Variants in PARP8 observed in about 807,000 individuals in gnomAD.
The protein encoded by PARP8 is protein mono-ADP-ribosyltransferase PARP8.
Under a neutral mutation model 124.1 loss-of-function variants are expected in PARP8, and 51 were observed. The observed-to-expected ratio is 0.41, with a 90% confidence interval of 0.33 to 0.52. PARP8 has a LOEUF of 0.52. Among genes scored for constraint, PARP8 ranks in the 20% least tolerant of loss-of-function variants. The pLI, the probability that PARP8 is intolerant of heterozygous loss-of-function variation, is 0.21. For synonymous variants in PARP8, 391 were observed against 361.5 expected (o/e 1.08, Z -0.93); for missense variants, 860 against 1,018.9 (o/e 0.84, Z 2.12).
At chr5:50,690,053 C>A (rs1422978439) in intron 2 of PARP8, among the ~76,000 whole-genome samples, 1 of 152,194 alleles carries the variant, frequency 6.6e-6, no homozygotes, top group African/African-American at 2.4e-5. Context: ...ACAAGGGAGA[C>A]TTTTCTCTCC....
intron 19 of PARP8, among the ~76,000 whole-genome samples, 175 bp from the exon 20 acceptor site, chr5:50,827,769 T>C (rs1746507626): frequency 6.6e-6 from 1 of 152,216 alleles, no homozygotes; most frequent in Non-Finnish European, 1.5e-5. Context: ...ATGTGACTTA[T>C]CACTTGCGTA....
chr5:50,703,362 A>T (rs1425049165), intron 2 of PARP8, among the ~76,000 whole-genome samples: 2 of 152,076 alleles, frequency 1.3e-5, no homozygotes, highest in Non-Finnish European at 1.5e-5. Flanking sequence ...TCACTGGGAA[A>T]TGCTATTTCT....
intron 2 of PARP8, among the ~76,000 whole-genome samples, chr5:50,729,782 A>G (rs1349843885): frequency 6.6e-6 from 1 of 152,160 alleles, no homozygotes; most frequent in Non-Finnish European, 1.5e-5. Context: ...CAGCTTCAGT[A>G]TCCTTCTTGT....
At chr5:50,833,627 T>C (rs560605296) in intron 23 of PARP8, among the ~76,000 whole-genome samples, 110 of 152,196 alleles carry the variant, frequency 7.2e-4, no homozygotes, top group African/African-American at 2.4e-3. Context: ...CTGAAATAAT[T>C]GATTTTGATG....
intron 2 of PARP8, among the ~76,000 whole-genome samples, chr5:50,702,533 G>C (rs1753706462): frequency 6.6e-6 from 1 of 152,098 alleles, no homozygotes; most frequent in Non-Finnish European, 1.5e-5. Flanking sequence ...TTCATTCTAA[G>C]TCAAAATGCC....
At chr5:50,691,955 G>C (rs1752538726) in intron 2 of PARP8, among the ~76,000 whole-genome samples, 2 of 152,128 alleles carry the variant, frequency 1.3e-5, no homozygotes, top group Admixed American at 1.3e-4. Flanking sequence ...TCAGTCAAAT[G>C]GCTGATACTG....
chr5:50,794,909 A>T lies in PARP8; in HGVS notation c.920A>T (p.Glu307Val). The change falls in exon 12 of 26, where the codon GAG becomes GTG. Residue 307 changes from glutamate (E) to valine (V), a missense_variant. Coordinates refer to ENST00000281631, the MANE Select transcript of PARP8 (RefSeq NM_024615.4). The part of the protein sequence containing the change: ...CGKSKSKLKS[E>V]QDGISKTHKL... ...AAAAGCAAATCCAAACTGAAATCTG[A>T]GCAGGACGGAATCTCCAAAACGCAT... 1 of 1,614,176 alleles carries T rather than the reference A, an allele frequency of 6.2e-7. No homozygotes were observed. The highest frequency in any genetic ancestry group is 1.1e-5 in the South Asian group (1 of 91,082).
At chr5:50,800,050 T>G (rs897183182) in intron 14 of PARP8, among the ~76,000 whole-genome samples, 7 of 152,236 alleles carry the variant, frequency 4.6e-5, no homozygotes, top group Non-Finnish European at 1.0e-4. Context: ...CTTAACAATA[T>G]TAACCTTTCC....
intron 2 of PARP8, among the ~76,000 whole-genome samples, chr5:50,688,483 A>G (rs930217389): frequency 6.6e-5 from 10 of 152,196 alleles, no homozygotes; most frequent in African/African-American, 2.2e-4. Context: ...ATAATGAACA[A>G]ACTCCTTCCA....
intron 2 of PARP8, among the ~76,000 whole-genome samples, chr5:50,705,723 G>T (rs1032943823): frequency 3.9e-5 from 6 of 152,052 alleles, no homozygotes; most frequent in African/African-American, 1.2e-4. Flanking sequence ...GGCAAAGGTT[G>T]CAGTGAGCCT....
rs540654554 is a variant in PARP8 at position 50,732,919 on chromosome 5, T to C, written c.147-17232T>C. Among the ~76,000 whole-genome samples, 17 of 151,934 alleles carry C rather than the reference T, an allele frequency of 1.1e-4. No homozygotes were observed. In the South Asian group the frequency reaches 3.6e-3, roughly 32 times the overall value. On this transcript the variant is annotated intron_variant, in intron 2 of 25. Transcript: ENST00000281631. Reference sequence around the variant, plus strand: ...AGGTGTGAGCCACCGCGACCAGCCGTATCTTTTAAGTGTAGGAAATGAAAC... The same window carrying C: ...AGGTGTGAGCCACCGCGACCAGCCGCATCTTTTAAGTGTAGGAAATGAAAC...
In PARP8 at chr5:50,798,644, G is replaced by A. The variant is rs553006939; in HGVS notation, c.1575+1411G>A. 3.2e-4 allele frequency among the ~76,000 whole-genome samples: 48 copies of A among 151,984 alleles called. 1 individual carries two copies. Among genetic ancestry groups the A allele is most frequent in the South Asian group, 2.5e-3 (12 of 4,802 alleles). On this transcript the variant is annotated intron_variant, in intron 14 of 25. Transcript: ENST00000281631. ...TCACTGTGTTGGCCAGGATGGTCTC[G>A]ATCTCCTGACCTTGTGATTCACCAG...
At chr5:50,720,097 A>G (rs1755722584) in intron 2 of PARP8, among the ~76,000 whole-genome samples, 1 of 152,106 alleles carries the variant, frequency 6.6e-6, no homozygotes, top group African/African-American at 2.4e-5. Context: ...TTCAAAAGCA[A>G]TATGTTTAGG....
At position 50,795,346 on chromosome 5, in the gene PARP8, A is replaced by G; in HGVS notation, c.1357A>G (p.Arg453Gly). ...ELFKEPNAEG[R>G]RLSLTSGLIG... ...TTTCAAGGAACCTAACGCAGAGGGC[A>G]GGAGGCTCTCTCTTACCTCAGGGCT... Residue 453 changes from arginine (R) to glycine (G), a missense_variant, in exon 12 of 26, where the codon AGG becomes GGG. Around this residue, in one of 2 missense-constraint regions of PARP8, gnomAD observed 517 missense variants for 544.2 expected, o/e 0.95. Coordinates refer to ENST00000281631, the MANE Select transcript of PARP8 (RefSeq NM_024615.4). 1 of 1,614,158 alleles carries G rather than the reference A, an allele frequency of 6.2e-7. No individual in the cohort carries two copies. The highest frequency in any genetic ancestry group is 2.2e-5 in the East Asian group (1 of 44,874).
In PARP8 at chr5:50,667,126, C is replaced by A. The variant is rs756916855; in HGVS notation, c.31C>A (p.Gln11Lys). ...GATGTGTTCAAGGCAAGAGCGAATT[C>A]AGAAGGATATCGACGTCGTGATCCA... Reference protein sequence around the residue: MGMCSRQERIQKDIDVVIQKS... With the variant: MGMCSRQERIKKDIDVVIQKS... The change falls in exon 1 of 26, where the codon CAG becomes AAG. Residue 11 changes from glutamine (Q) to lysine (K), a missense_variant. By Grantham distance (53) the Gln-to-Lys change is moderately conservative. This residue lies in a region of PARP8 where 517 missense variants were observed against 544.2 expected (regional missense o/e 0.95). Transcript: ENST00000281631. The A allele has an allele frequency of 3.1e-6, 5 of 1,596,180 alleles. No homozygotes were observed. The African/African-American group carries it at 6.7e-5, about 21-fold the overall frequency.
intron 14 of PARP8, among the ~76,000 whole-genome samples, chr5:50,801,520 T>C (rs1005946285): frequency 2.0e-5 from 3 of 152,224 alleles, no homozygotes; most frequent in Non-Finnish European, 2.9e-5. Flanking sequence ...TATTATCCTT[T>C]TGATGTCTGC....
Position 50,700,308 on chromosome 5 carries a change from AG to A in PARP8, c.146+32184del. 1.3e-5 allele frequency among the ~76,000 whole-genome samples: 2 copies of A among 152,342 alleles called. 1 individual carries two copies. The highest frequency in any genetic ancestry group is 6.8e-3 in the Middle Eastern group (2 of 294). Reference sequence around the variant, plus strand: ...TCTTTGAAATTCTCTGAGAGGATAAAGCTTCTCTGTAGCAAAAGCCAAGTTT... The same window carrying A: ...TCTTTGAAATTCTCTGAGAGGATAAACTTCTCTGTAGCAAAAGCCAAGTTT... On this transcript the variant is annotated intron_variant, in intron 2 of 25. Transcript: ENST00000281631.
intron 22 of PARP8, among the ~76,000 whole-genome samples, chr5:50,831,153 G>T (rs760952418): frequency 1.3e-5 from 2 of 151,948 alleles, no homozygotes; most frequent in Admixed American, 6.6e-5. Flanking sequence ...AAATGAGAAG[G>T]TTGCATGTTA....
intron 17 of PARP8, among the ~76,000 whole-genome samples, 183 bp downstream of exon 17, chr5:50,822,583 G>A (rs1745887859): frequency 6.6e-6 from 1 of 152,096 alleles, no homozygotes; most frequent in Non-Finnish European, 1.5e-5. Context: ...AAAGTAAGTG[G>A]ATAATTATAA....
Sources: allele counts gnomAD v4.1 joint callset (sites outside exome capture counted in the v4.1 genomes callset), GRCh38; gene constraint gnomAD v4.1.1; regional missense constraint gnomAD v4.1.1; transcripts MANE v1.5; gene names NCBI Gene and HGNC (gene_info 2026-07-23, HGNC 2026-07-21).